Variants in ATP8A2 observed in about 807,000 individuals in gnomAD.
The protein encoded by ATP8A2 is ATPase phospholipid transporting 8A2.
ATP8A2 carries 100 observed loss-of-function variants against 165.6 expected under a neutral mutation model. The observed-to-expected ratio is 0.60, with a 90% CI of 0.51 to 0.71. The LOEUF (loss-of-function observed/expected upper bound fraction) is 0.71, where lower values mean the gene tolerates loss of function less well. ATP8A2 is among the 30% of genes least tolerant of loss of function. ATP8A2 has a pLI of 0.00. For missense variants in ATP8A2, 1,227 were observed against 1,479.5 expected, an observed-to-expected ratio of 0.83 and a Z score of 2.80; for synonymous variants, 543 against 548.8, an observed-to-expected ratio of 0.99 and a Z score of 0.15.
chr13:25,642,699 C>T (rs2041560917), intron 24 of ATP8A2, among the ~76,000 whole-genome samples: 1 of 151,962 alleles, frequency 6.6e-6, no homozygotes, highest in East Asian at 1.9e-4. Context: ...TTGACTCAGC[C>T]ATCCCATTAC....
intron 7 of ATP8A2, among the ~76,000 whole-genome samples, chr13:25,538,345 A>G (rs2038356443): frequency 6.6e-6 from 1 of 152,144 alleles, no homozygotes; most frequent in South Asian, 2.1e-4. Context: ...AGTCAAGAGC[A>G]GTGGAGTGGT....
intron 36 of ATP8A2, among the ~76,000 whole-genome samples, chr13:26,016,707 C>A (rs1351551275): frequency 6.6e-6 from 1 of 152,098 alleles, no homozygotes; most frequent in Admixed American, 6.6e-5. Context: ...GTTAATTATT[C>A]TTTTTGGATG....
chr13:25,609,362 CA>C (rs1223455583), intron 24 of ATP8A2, among the ~76,000 whole-genome samples: 1 of 151,570 alleles, frequency 6.6e-6, no homozygotes, highest in African/African-American at 2.4e-5. Flanking sequence ...CCATTGCATT[CA>C]AAATCAGGCT....
At chr13:25,415,766 GA>G (rs1319021433) in intron 1 of ATP8A2, among the ~76,000 whole-genome samples, 1 of 152,162 alleles carries the variant, frequency 6.6e-6, no homozygotes, top group East Asian at 1.9e-4. Context: ...CACCTCTTCA[GA>G]AATGCCTACT....
rs184448300 is a variant in ATP8A2 at position 25,677,983 on chromosome 13, C to G, written c.2212-21190C>G. 4.9e-4 allele frequency among the ~76,000 whole-genome samples: 75 copies of G among 152,184 alleles called. 2 individuals carry two copies. Among genetic ancestry groups the G allele is most frequent in the African/African-American group, 1.2e-3 (51 of 41,536 alleles). The stretch of plus-strand genomic sequence containing the variant: ...CAGAGGGTTATGAGGCAAGTAATAC[C>G]TTTACAGAAAGTCAAATTTTAATGA... On this transcript the variant is annotated intron_variant, in intron 24 of 36. Transcript: ENST00000381655.
At position 25,864,989 on chromosome 13, in the gene ATP8A2, A is replaced by T. The variant is rs1013622498; in HGVS notation, c.3183+2581A>T. Among the ~76,000 whole-genome samples, 28 of 152,148 alleles carry T rather than the reference A, an allele frequency of 1.8e-4. 1 individual carries two copies. Among genetic ancestry groups the T allele is most frequent in the African/African-American group, 6.8e-4 (28 of 41,424 alleles). On this transcript the variant is annotated intron_variant, in intron 33 of 36. Coordinates refer to ENST00000381655, the MANE Select transcript of ATP8A2 (RefSeq NM_016529.6). ...TCAGTGCTTTGTTCATTCTTTGAAA[A>T]ATGGCAGGGAAGTATTACAAAACAT...
chr13:25,517,186 C>T (rs2037506152), intron 2 of ATP8A2: 1 of 150,712 alleles, frequency 6.6e-6, no homozygotes, highest in South Asian at 2.1e-4. Flanking sequence ...GATCCCTGCG[C>T]AAGGATGACA....
intron 24 of ATP8A2, among the ~76,000 whole-genome samples, chr13:25,623,171 G>A (rs2041016000): frequency 6.6e-6 from 1 of 152,138 alleles, no homozygotes; most frequent in African/African-American, 2.4e-5. Context: ...ATCGCTTGAG[G>A]CCAGGAATTC....
At chr13:25,814,917 G>A (rs1400587000) in intron 27 of ATP8A2, among the ~76,000 whole-genome samples, 1 of 152,074 alleles carries the variant, frequency 6.6e-6, no homozygotes, top group Non-Finnish European at 1.5e-5. Context: ...CTACTCATGG[G>A]GATGAGGCGG....
intron 16 of ATP8A2, chr13:25,567,160 C>A: frequency 2.9e-6 from 1 of 339,230 alleles, no homozygotes; most frequent in Non-Finnish European, 5.8e-6. Flanking sequence ...CTGACTCTCA[C>A]AGGTGTTCTT....
At chr13:25,735,896 A>G (rs1012648109) in intron 25 of ATP8A2, among the ~76,000 whole-genome samples, 1 of 152,094 alleles carries the variant, frequency 6.6e-6, no homozygotes, top group Non-Finnish European at 1.5e-5. Flanking sequence ...TTCACTCACT[A>G]CTCACTGACT....
intron 27 of ATP8A2, among the ~76,000 whole-genome samples, chr13:25,779,977 G>T (rs568147889): frequency 6.6e-6 from 1 of 152,204 alleles, no homozygotes; most frequent in Non-Finnish European, 1.5e-5. Context: ...TTTCTTAATA[G>T]AGTACAGTTT....
intron 35 of ATP8A2, among the ~76,000 whole-genome samples, chr13:25,972,252 T>A (rs1955933340): frequency 1.3e-5 from 2 of 152,214 alleles, no homozygotes; most frequent in Non-Finnish European, 2.9e-5. Flanking sequence ...AGCCTCATAC[T>A]TTTATACTAT....
intron 25 of ATP8A2, among the ~76,000 whole-genome samples, chr13:25,749,060 A>G (rs1478144639): frequency 1.3e-5 from 2 of 152,242 alleles, no homozygotes; most frequent in South Asian, 2.1e-4. Context: ...GAGATAGCAG[A>G]TAGCAGAATA....
At chr13:25,845,670 C>T (rs939633069) in intron 30 of ATP8A2, among the ~76,000 whole-genome samples, 1 of 152,190 alleles carries the variant, frequency 6.6e-6, no homozygotes, top group Non-Finnish European at 1.5e-5. Flanking sequence ...TAAAATAAAA[C>T]TCAGTGTGAC....
intron 33 of ATP8A2, among the ~76,000 whole-genome samples, chr13:25,905,553 G>A (rs1261371461): frequency 4.6e-5 from 7 of 152,166 alleles, no homozygotes; most frequent in Admixed American, 1.3e-4. Context: ...CCACAGTTTC[G>A]CCAACAGCGG....
At chr13:25,676,833 A>G (rs1256153049) in intron 24 of ATP8A2, among the ~76,000 whole-genome samples, 3 of 152,312 alleles carry the variant, frequency 2.0e-5, no homozygotes, top group East Asian at 1.9e-4. Context: ...TCTTATTGGT[A>G]GAGTTATTCA....
intron 25 of ATP8A2, among the ~76,000 whole-genome samples, chr13:25,730,625 T>C (rs2043600003): frequency 6.6e-6 from 1 of 152,212 alleles, no homozygotes. Context: ...TCTATATTCT[T>C]ACTTTATAAT....
At chr13:25,779,881 G>A (rs1160493956) in intron 27 of ATP8A2, among the ~76,000 whole-genome samples, 3 of 152,374 alleles carry the variant, frequency 2.0e-5, no homozygotes, top group East Asian at 1.9e-4. Context: ...ACTGACCTCT[G>A]TGTGGTATCT....
Sources: allele counts gnomAD v4.1 joint callset (sites outside exome capture counted in the v4.1 genomes callset), GRCh38; gene constraint gnomAD v4.1.1; transcripts MANE v1.5; gene names NCBI Gene and HGNC (gene_info 2026-07-23, HGNC 2026-07-21).